PCCA: variants seen among roughly 807,000 people sequenced by gnomAD.
PCCA encodes propionyl-CoA carboxylase alpha chain, mitochondrial.
In PCCA, 74 loss-of-function variants were observed where a neutral mutation model predicts 101.3. That is an observed-to-expected ratio of 0.73 (90% CI 0.61 to 0.89). The LOEUF (loss-of-function observed/expected upper bound fraction) is 0.89, where lower values mean the gene tolerates loss of function less well. Among genes scored for constraint, PCCA ranks in the 40% least tolerant of loss-of-function variants. The probability of loss-of-function intolerance (pLI) is 0.00; values close to 1 mark genes in which losing one functional copy is unlikely to be tolerated. For synonymous variants in PCCA, 294 were observed against 313.6 expected (o/e 0.94, Z 0.66); for missense variants, 891 against 907.0 (o/e 0.98, Z 0.23).
At chr13:100,372,838 C>T (rs891534858) in intron 19 of PCCA, among the ~76,000 whole-genome samples, 1 of 152,182 alleles carries the variant, frequency 6.6e-6, no homozygotes, top group Admixed American at 6.5e-5. Flanking sequence ...CTCCCAGGTT[C>T]AAGTGATTCT....
intron 7 of PCCA, among the ~76,000 whole-genome samples, chr13:100,221,216 C>A (rs2059791507): frequency 6.6e-6 from 1 of 152,142 alleles, no homozygotes; most frequent in South Asian, 2.1e-4. Flanking sequence ...TAAACATTTT[C>A]AAATGTGATA....
chr13:100,263,622 AT>A (rs1448736655), intron 10 of PCCA, among the ~76,000 whole-genome samples: 1 of 152,056 alleles, frequency 6.6e-6, no homozygotes, highest in Non-Finnish European at 1.5e-5. Flanking sequence ...CAATCCTCAA[AT>A]TTTCTAAAGT....
At chr13:100,193,720 A>C (rs1200447034) in intron 6 of PCCA, among the ~76,000 whole-genome samples, 1 of 152,202 alleles carries the variant, frequency 6.6e-6, no homozygotes, top group Non-Finnish European at 1.5e-5. Flanking sequence ...ATAAAGGGTG[A>C]ATTTAGCAGG....
chr13:100,438,953 G>A (rs1007474746), intron 20 of PCCA, among the ~76,000 whole-genome samples: 2 of 152,118 alleles, frequency 1.3e-5, no homozygotes, highest in Non-Finnish European at 2.9e-5. Context: ...ACAATGGAAC[G>A]GTCAGAGTGG....
At chr13:100,204,234 ATCC>A (rs2058718695) in intron 6 of PCCA, among the ~76,000 whole-genome samples, 2 of 152,002 alleles carry the variant, frequency 1.3e-5, no homozygotes, top group African/African-American at 4.8e-5. Flanking sequence ...GGCTCAAGCA[ATCC>A]TCCTACCTCA....
intron 6 of PCCA, among the ~76,000 whole-genome samples, chr13:100,167,894 G>T (rs2055213529): frequency 6.6e-6 from 1 of 152,126 alleles, no homozygotes; most frequent in African/African-American, 2.4e-5. Context: ...AGCCTCCTGA[G>T]TAGCTGGGAT....
intron 19 of PCCA, among the ~76,000 whole-genome samples, chr13:100,377,041 C>T (rs563106009): frequency 7.9e-5 from 12 of 152,312 alleles, no homozygotes; most frequent in African/African-American, 2.2e-4. Context: ...CAGTCCTTCA[C>T]GGCTTCCCTT....
chr13:100,381,464 A>C lies in PCCA; in HGVS notation c.1746+12890A>C, dbSNP rs113917615. Among the ~76,000 whole-genome samples, 764 of 152,300 alleles carry C rather than the reference A, an allele frequency of 5.0e-3. 9 individuals carry two copies. Among genetic ancestry groups the C allele is most frequent in the African/African-American group, 0.017 (714 of 41,574 alleles). On this transcript the variant is annotated intron_variant, in intron 19 of 23. Coordinates refer to ENST00000376285, the MANE Select transcript of PCCA (RefSeq NM_000282.4). Reference sequence around the variant, plus strand: ...TCAAATGCTATTGGTGGGAACGTAAAAGGGTGCAGCTGCTTTGGAAAACAG... The same window carrying C: ...TCAAATGCTATTGGTGGGAACGTAACAGGGTGCAGCTGCTTTGGAAAACAG...
At chr13:100,203,249 G>C (rs1257537343) in intron 6 of PCCA, among the ~76,000 whole-genome samples, 3 of 151,012 alleles carry the variant, frequency 2.0e-5, no homozygotes, top group Non-Finnish European at 4.4e-5. Context: ...ACTCCAGCCT[G>C]GGTGACAGAG....
At chr13:100,457,318 T>G (rs2081817857) in intron 21 of PCCA, among the ~76,000 whole-genome samples, 1 of 152,178 alleles carries the variant, frequency 6.6e-6, no homozygotes, top group African/African-American at 2.4e-5. Flanking sequence ...GCACACGTTC[T>G]GACTATGAGC....
chr13:100,224,387 G>A (rs147782492), intron 7 of PCCA, among the ~76,000 whole-genome samples: 5 of 152,376 alleles, frequency 3.3e-5, no homozygotes, highest in African/African-American at 1.2e-4. Context: ...ACTCCAGCTG[G>A]CCCGCAAGCG....
intron 12 of PCCA, among the ~76,000 whole-genome samples, chr13:100,290,500 T>A (rs1952600880): frequency 6.6e-6 from 1 of 152,132 alleles, no homozygotes; most frequent in Non-Finnish European, 1.5e-5. Context: ...GCATGAGCCG[T>A]TGTGTCTGGC....
intron 21 of PCCA, among the ~76,000 whole-genome samples, chr13:100,504,839 A>G (rs2085941457): frequency 6.6e-6 from 1 of 152,200 alleles, no homozygotes; most frequent in African/African-American, 2.4e-5. Flanking sequence ...AGGCTGAGGC[A>G]GGAGAATCAC....
At chr13:100,419,091 C>T (rs957373203) in intron 19 of PCCA, among the ~76,000 whole-genome samples, 1 of 151,898 alleles carries the variant, frequency 6.6e-6, no homozygotes, top group Non-Finnish European at 1.5e-5. Context: ...AATTCCTACT[C>T]ACCCTTCCAG....
rs750851507 is a variant in PCCA, at chr13:100,330,599, A to G, written c.1468A>G (p.Ile490Val). The change falls in exon 17 of 24, where the codon ATC becomes GTC. Residue 490 changes from isoleucine to valine, a missense_variant. By Grantham distance (29) the Ile-to-Val change is conservative. Coordinates refer to ENST00000376285, the MANE Select transcript of PCCA (RefSeq NM_000282.4). The stretch of plus-strand genomic sequence containing the variant: ...TATTGCATTACTTCGAGAGGTGATA[A>G]TCAACTCACGCTTTGTAAAAGGAGA... ...HNIALLREVI[I>V]NSRFVKGDIS... 7.4e-6 allele frequency: 12 copies of G among 1,612,282 alleles called. No individual in the cohort carries two copies. The highest frequency in any genetic ancestry group is 7.6e-6 in the Non-Finnish European group (9 of 1,178,554).
intron 22 of PCCA, among the ~76,000 whole-genome samples, chr13:100,523,199 G>T (rs894894779): frequency 7.2e-5 from 11 of 152,180 alleles, no homozygotes; most frequent in Admixed American, 1.3e-4. Flanking sequence ...GGAGTGAAGA[G>T]AACTTGGTAG....
At chr13:100,506,218 C>A (rs918156254) in intron 21 of PCCA, among the ~76,000 whole-genome samples, 1 of 151,992 alleles carries the variant, frequency 6.6e-6, no homozygotes, top group Admixed American at 6.6e-5. Context: ...ACTTGGCCAC[C>A]TTCAGCATCG....
intron 4 of PCCA, among the ~76,000 whole-genome samples, chr13:100,136,683 T>C (rs191090122): frequency 1.6e-3 from 239 of 152,300 alleles, no homozygotes; most frequent in African/African-American, 5.5e-3. Context: ...TTGTCCAATT[T>C]ATGCACATAG....
intron 21 of PCCA, among the ~76,000 whole-genome samples, chr13:100,484,188 C>G (rs894062371): frequency 3.3e-5 from 5 of 152,038 alleles, no homozygotes; most frequent in Non-Finnish European, 7.4e-5. Context: ...CTATAAGTAG[C>G]TCATATCCGG....
Sources: gnomAD v4.1 joint callset for allele counts (sites outside exome capture counted in the v4.1 genomes callset) on GRCh38, gnomAD v4.1.1 for gene constraint, MANE v1.5 for transcripts, NCBI Gene and HGNC (gene_info 2026-07-23, HGNC 2026-07-21) for gene names.